The following NAP1L1 variants were observed in gnomAD, a reference collection of about 807,000 sequenced individuals.
NAP1L1 encodes nucleosome assembly protein 1-like 1.
A neutral mutation model predicts 58.9 loss-of-function variants in NAP1L1; 9 were observed. The observed-to-expected ratio is 0.15, with a 90% CI of 0.09 to 0.27. The LOEUF (loss-of-function observed/expected upper bound fraction) is 0.27. NAP1L1 is among the 10% of genes least tolerant of loss of function. The probability of loss-of-function intolerance (pLI) is 1.00; values close to 1 mark genes in which losing one functional copy is unlikely to be tolerated. For missense variants in NAP1L1, 302 were observed against 458.8 expected, an observed-to-expected ratio of 0.66 and a Z score of 3.12; for synonymous variants, 130 against 138.3, an observed-to-expected ratio of 0.94 and a Z score of 0.42.
intron 11 of NAP1L1, among the ~76,000 whole-genome samples, chr12:76,051,526 T>A (rs985667052): frequency 1.3e-5 from 2 of 152,136 alleles, no homozygotes; most frequent in African/African-American, 4.8e-5. Flanking sequence ...GACAATATAC[T>A]AACTAAATCA....
chr12:76,049,254 T>C lies in NAP1L1; in HGVS notation c.1090-4A>G. On this transcript the variant is annotated splice_polypyrimidine_tract_variant and splice_region_variant and intron_variant, in intron 13 of 14. Coordinates refer to ENST00000618691, the MANE Select transcript of NAP1L1 (RefSeq NM_004537.7). ...CATCTCCTTCTTCTTCCCCTTCCTA[T>C]ATTAAAGTTCAAAATGCATCCATGA... The C allele has an allele frequency of 6.2e-7, 1 of 1,613,546 alleles. No homozygotes were observed. The highest frequency in any genetic ancestry group is 8.5e-7 in the Non-Finnish European group (1 of 1,179,764).
At position 76,046,908 on chromosome 12, in the gene NAP1L1, T is replaced by C. The variant is rs1431022993; in HGVS notation, c.*1521A>G. The C allele has an allele frequency of 2.0e-5, 3 of 152,528 alleles. No homozygotes were observed. Among genetic ancestry groups the C allele is most frequent in the Non-Finnish European group, 2.9e-5 (2 of 67,956 alleles). 9.4% of individuals were successfully genotyped at this position (152,528 alleles called of 1,614,324 possible). On this transcript the variant is annotated 3_prime_UTR_variant, in exon 15 of 15. Coordinates refer to ENST00000618691, the MANE Select transcript of NAP1L1 (RefSeq NM_004537.7). The stretch of plus-strand genomic sequence containing the variant: ...TTTAAGTCTCATGACTACAATACTA[T>C]AGTGCTATCCCTGTAGTATTTACAA...
rs1419143574 is a variant in NAP1L1, at chr12:76,043,856, G to T, written c.*4573C>A. 1 of 152,128 alleles carries T rather than the reference G, an allele frequency of 6.6e-6. No individual in the cohort carries two copies. Among genetic ancestry groups the T allele is most frequent in the African/African-American group, 2.4e-5 (1 of 41,430 alleles). The allele number at this position is 152,128 out of a possible 1,614,324, so 9.4% of individuals were successfully genotyped here. ...CAACCTCATGAAATTTACCAGAGCCGCAATTGCCTAATACATTATGAATGA... is the reference window on the plus strand; with the variant it reads ...CAACCTCATGAAATTTACCAGAGCCTCAATTGCCTAATACATTATGAATGA... On this transcript the variant is annotated 3_prime_UTR_variant, in exon 15 of 15. Coordinates refer to ENST00000618691, the MANE Select transcript of NAP1L1 (RefSeq NM_004537.7).
At chr12:76,073,488 C>A (rs1212647422) in intron 2 of NAP1L1, among the ~76,000 whole-genome samples, 1 of 82,416 alleles carries the variant, frequency 1.2e-5, no homozygotes, top group Non-Finnish European at 2.6e-5. Flanking sequence ...CCCAATACTT[C>A]TCCACAATAA....
Position 76,042,044 on chromosome 12 carries a change from G to A in NAP1L1, c.*6385C>T, listed in dbSNP as rs193077439. 3 of 151,752 alleles carry A rather than the reference G, an allele frequency of 2.0e-5. No homozygotes were observed. Among genetic ancestry groups the A allele is most frequent in the Admixed American group, 1.3e-4 (2 of 15,282 alleles). 9.4% of individuals were successfully genotyped at this position (151,752 alleles called of 1,614,324 possible). On this transcript the variant is annotated 3_prime_UTR_variant, in exon 15 of 15. Transcript: ENST00000618691. Reference sequence around the variant, plus strand: ...GATTTTCAAACCTAGCTCACTTTAGGTTAAGGTCAATTTTTTTTTTGTTTT... The same window carrying A: ...GATTTTCAAACCTAGCTCACTTTAGATTAAGGTCAATTTTTTTTTTGTTTT...
At chr12:76,055,474 T>C (rs932278811) in intron 7 of NAP1L1, among the ~76,000 whole-genome samples, 1 of 152,224 alleles carries the variant, frequency 6.6e-6, no homozygotes, top group African/African-American at 2.4e-5. Flanking sequence ...TAATAAGCAG[T>C]AATTGTGTGA....
Position 76,060,119 on chromosome 12 carries a change from AAGT to A in NAP1L1, c.348+16_348+18del, listed in dbSNP as rs762671570. The A allele has an allele frequency of 4.1e-4, 650 of 1,596,948 alleles. No individual in the cohort carries two copies. The highest frequency in any genetic ancestry group is 4.3e-4 in the Non-Finnish European group (500 of 1,176,458). The stretch of plus-strand genomic sequence containing the variant: ...GTCTTCTAGAATGTTAAATTAAACA[AAGT>A]AGGAGAAAGCATTACCTTATCAAAT... On this transcript the variant is annotated intron_variant, in intron 5 of 14. Transcript: ENST00000618691.
At chr12:76,057,853 C>CA (rs1002896067) in intron 6 of NAP1L1, 4 of 1,495,640 alleles carry the variant, frequency 2.7e-6, no homozygotes, top group East Asian at 2.4e-5. Context: ...TCAAATAAAA[C>CA]AAAAAAACAA....
At chr12:76,062,531 A>G (rs1023291266) in intron 4 of NAP1L1, among the ~76,000 whole-genome samples, 4 of 152,234 alleles carry the variant, frequency 2.6e-5, no homozygotes, top group Non-Finnish European at 5.9e-5. Context: ...ATGTAAATAT[A>G]CTTAGAGATG....
intron 4 of NAP1L1, among the ~76,000 whole-genome samples, chr12:76,067,100 T>G (rs1949713917): frequency 1.3e-5 from 2 of 152,174 alleles, no homozygotes; most frequent in South Asian, 4.1e-4. Flanking sequence ...CTTCTAATTC[T>G]GTGCATTTCT....
chr12:76,050,868 A>T (rs1187631071), intron 11 of NAP1L1, among the ~76,000 whole-genome samples: 1 of 151,958 alleles, frequency 6.6e-6, no homozygotes, highest in Non-Finnish European at 1.5e-5. Context: ...AAAAATAAAC[A>T]ATTAACTGGG....
chr12:76,081,392 TC>T lies in NAP1L1; in HGVS notation c.-21+3174del, dbSNP rs1950403882. 2.0e-5 allele frequency among the ~76,000 whole-genome samples: 3 copies of T among 152,322 alleles called. No individual in the cohort carries two copies. In the South Asian group the frequency reaches 6.2e-4, roughly 32 times the overall value. On this transcript the variant is annotated intron_variant, in intron 1 of 14. Transcript: ENST00000618691. ...TCAGTGTTGCCTATTACATTATTTA[TC>T]CCTGTTATGCTCTTCTGTACCCTCT...
intron 7 of NAP1L1, among the ~76,000 whole-genome samples, chr12:76,055,298 G>A (rs1949030108): frequency 1.3e-5 from 2 of 152,160 alleles, no homozygotes; most frequent in Non-Finnish European, 2.9e-5. Flanking sequence ...GAGAAAAAGT[G>A]TCCAAATAGA....
chr12:76,061,088 C>A, intron 4 of NAP1L1: 1 of 418,206 alleles, frequency 2.4e-6, no homozygotes. Context: ...GAATGAGACC[C>A]TGTCTCAAAA....
rs918723930 is a variant in NAP1L1, at chr12:76,044,452, A to C, written c.*3977T>G. ...CCAATTTCCCATAGGAAAATTAAAC[A>C]ACCAGACTGACTTATTTCCCGCCAG... On this transcript the variant is annotated 3_prime_UTR_variant, in exon 15 of 15. Transcript: ENST00000618691. The C allele has an allele frequency of 6.6e-6, 1 of 152,236 alleles. No homozygotes were observed. Among genetic ancestry groups the C allele is most frequent in the African/African-American group, 2.4e-5 (1 of 41,456 alleles). 9.4% of individuals were successfully genotyped at this position (152,236 alleles called of 1,614,324 possible).
intron 4 of NAP1L1, 22 bp from the exon 5 acceptor site, chr12:76,060,301 A>G (rs1949347864): frequency 6.2e-7 from 1 of 1,609,704 alleles, no homozygotes; most frequent in Admixed American, 1.7e-5. Flanking sequence ...GAAATCAGTT[A>G]TATAGCATCA....
At chr12:76,054,981 C>T (rs1234810307) in intron 8 of NAP1L1, 38 bp downstream of exon 8, 3 of 1,439,132 alleles carry the variant, frequency 2.1e-6, no homozygotes, top group Non-Finnish European at 2.9e-6. Flanking sequence ...TACCTGTAAG[C>T]ATGTTACAAA....
rs1342366190 is a variant in NAP1L1, at chr12:76,037,508, C to T, written c.*10921G>A. The stretch of plus-strand genomic sequence containing the variant: ...GATCCATACTCATACACATGGCCTT[C>T]AGTTTTACTCTTAAAACATGACAGA... On this transcript the variant is annotated 3_prime_UTR_variant, in exon 15 of 15. Coordinates refer to ENST00000618691, the MANE Select transcript of NAP1L1 (RefSeq NM_004537.7). 6.6e-6 allele frequency: 1 copy of T among 152,264 alleles called. No individual in the cohort carries two copies. The highest frequency in any genetic ancestry group is 2.4e-5 in the African/African-American group (1 of 41,462). The allele number at this position is 152,264 out of a possible 1,614,324, so 9.4% of individuals were successfully genotyped here. A position where few individuals can be genotyped will look rare whatever the true frequency, so the allele number is the denominator to read the frequency against.
chr12:76,059,254 C>T (rs1223496448), intron 6 of NAP1L1, among the ~76,000 whole-genome samples: 2 of 152,226 alleles, frequency 1.3e-5, no homozygotes, highest in Non-Finnish European at 2.9e-5. Flanking sequence ...TATTTGGAAA[C>T]ATGTTTGGTA....
Sources: gnomAD v4.1 joint callset for allele counts (sites outside exome capture counted in the v4.1 genomes callset) on GRCh38, gnomAD v4.1.1 for gene constraint, MANE v1.5 for transcripts, NCBI Gene and HGNC (gene_info 2026-07-23, HGNC 2026-07-21) for gene names.